The following AP3S1 variants were observed in gnomAD, a reference collection of about 807,000 sequenced individuals.
AP3S1 encodes adaptor related protein complex 3 subunit sigma 1, also known as AP-3 complex subunit sigma-1.
In AP3S1, 12 loss-of-function variants were observed where a neutral mutation model predicts 21.3. The observed-to-expected ratio is 0.56, with a 90% CI of 0.36 to 0.91. The LOEUF (loss-of-function observed/expected upper bound fraction) is 0.91. Among genes scored for constraint, AP3S1 ranks in the 40% least tolerant of loss-of-function variants. The pLI is 0.01. For synonymous variants in AP3S1, 48 were observed against 78.4 expected, an observed-to-expected ratio of 0.61 and a Z score of 2.05; for missense variants, 116 against 225.0, an observed-to-expected ratio of 0.52 and a Z score of 3.10.
At position 115,883,457 on chromosome 5, in the gene AP3S1, G is replaced by A. The variant is rs376262365; in HGVS notation, c.274-11630G>A. On this transcript the variant is annotated intron_variant, in intron 3 of 5. Transcript: ENST00000316788. ...TCACAACTTCCCTTGGCTACAGGAG[G>A]GAGTTCCTCAACCCCTTACGCTTCC... Among the ~76,000 whole-genome samples, 14 of 152,294 alleles carry A rather than the reference G, an allele frequency of 9.2e-5. No individual in the cohort carries two copies. The East Asian group carries it at 1.2e-3, about 13-fold the overall frequency.
intron 3 of AP3S1, among the ~76,000 whole-genome samples, chr5:115,886,813 TATGAC>T (rs1394419420): frequency 7.9e-5 from 12 of 152,210 alleles, no homozygotes; most frequent in African/African-American, 2.2e-4. Context: ...TCAGAATTAT[TATGAC>T]ATGATATAGA....
At chr5:115,874,783 T>C (rs1748558060) in intron 3 of AP3S1, among the ~76,000 whole-genome samples, 2 of 152,136 alleles carry the variant, frequency 1.3e-5, no homozygotes, top group African/African-American at 4.8e-5. Context: ...TTTTTAACTT[T>C]ACATGCTTGT....
chr5:115,851,814 T>TA (rs1470687022), intron 1 of AP3S1, among the ~76,000 whole-genome samples: 1 of 152,096 alleles, frequency 6.6e-6, no homozygotes, highest in East Asian at 1.9e-4. Flanking sequence ...AACTGTTTAA[T>TA]GAGATTTAAC....
chr5:115,902,390 A>G (rs1020601391), intron 4 of AP3S1, among the ~76,000 whole-genome samples: 3 of 152,162 alleles, frequency 2.0e-5, no homozygotes, highest in African/African-American at 7.2e-5. Flanking sequence ...AGTACCCACA[A>G]TTTAAAAAAT....
Position 115,913,399 on chromosome 5 carries a change from C to T in AP3S1, c.491C>T (p.Ala164Val). Residue 164 changes from alanine (A) to valine (V), a missense_variant, in exon 6 of 6, where the codon GCT (alanine) becomes GTT (valine). Around this residue, in one of 3 missense-constraint regions of AP3S1, gnomAD observed 65 missense variants for 148.2 expected, o/e 0.44. Coordinates refer to ENST00000316788, the MANE Select transcript of AP3S1 (RefSeq NM_001284.4). The part of the protein sequence containing the change: ...LAGAPARAVS[A>V]VKNMNLPEIP... Reference sequence around the variant, plus strand: ...GGAGCTCCAGCCCGTGCTGTATCAGCTGTAAAGAATATGAATCTTCCTGAG... The same window carrying T: ...GGAGCTCCAGCCCGTGCTGTATCAGTTGTAAAGAATATGAATCTTCCTGAG... The T allele has an allele frequency of 6.2e-7, 1 of 1,613,978 alleles. No homozygotes were observed. Among genetic ancestry groups the T allele is most frequent in the Non-Finnish European group, 8.5e-7 (1 of 1,179,820 alleles).
intron 5 of AP3S1, among the ~76,000 whole-genome samples, chr5:115,907,942 G>A (rs1013259493): frequency 4.6e-5 from 7 of 152,048 alleles, no homozygotes; most frequent in Non-Finnish European, 8.8e-5. Context: ...GAGTCCTATG[G>A]AGGAAAAAAT....
chr5:115,905,119 A>C (rs1307546389), intron 5 of AP3S1, among the ~76,000 whole-genome samples: 7 of 149,712 alleles, frequency 4.7e-5, no homozygotes, highest in Non-Finnish European at 8.8e-5. Flanking sequence ...ATTTTTCACA[A>C]AAAAAAGTTT....
rs191650110 is a variant in AP3S1 at position 115,879,991 on chromosome 5, C to T, written c.273+9863C>T. On this transcript the variant is annotated intron_variant, in intron 3 of 5. Coordinates refer to ENST00000316788, the MANE Select transcript of AP3S1 (RefSeq NM_001284.4). ...TCTTCTAGATTTTCTAGTTTATTTG[C>T]GTAGAGTTGTTTATAGTATTCTCTG... Among the ~76,000 whole-genome samples, 608 of 152,244 alleles carry T rather than the reference C, an allele frequency of 4.0e-3. 6 individuals are homozygous for T. Among genetic ancestry groups the T allele is most frequent in the African/African-American group, 0.014 (593 of 41,552 alleles).
At chr5:115,872,367 T>G (rs1050391277) in intron 3 of AP3S1, among the ~76,000 whole-genome samples, 2 of 152,182 alleles carry the variant, frequency 1.3e-5, no homozygotes, top group Non-Finnish European at 2.9e-5. Flanking sequence ...ATATTACTCT[T>G]AAATCTGTAA....
At chr5:115,879,287 G>A (rs1749056095) in intron 3 of AP3S1, among the ~76,000 whole-genome samples, 1 of 152,128 alleles carries the variant, frequency 6.6e-6, no homozygotes, top group South Asian at 2.1e-4. Context: ...GTTTTCAAAG[G>A]GAATGCTTCC....
At chr5:115,855,124 C>T (rs1762714562) in intron 1 of AP3S1, among the ~76,000 whole-genome samples, 1 of 151,966 alleles carries the variant, frequency 6.6e-6, no homozygotes, top group Non-Finnish European at 1.5e-5. Context: ...GCAACCTCCA[C>T]CTCCTGGGTT....
chr5:115,849,513 G>A (rs193123243), intron 1 of AP3S1, among the ~76,000 whole-genome samples: 16 of 152,262 alleles, frequency 1.1e-4, no homozygotes, highest in Admixed American at 8.5e-4. Context: ...TAAAGAGAAC[G>A]ATGGGGACAG....
chr5:115,902,905 A>G lies in AP3S1; in HGVS notation c.366A>G (p.Glu122=). The G allele has an allele frequency of 1.2e-6, 2 of 1,613,306 alleles. No homozygotes were observed. The highest frequency in any genetic ancestry group is 1.7e-6 in the Non-Finnish European group (2 of 1,179,852). Residue 122 remains glutamate, a synonymous_variant, in exon 5 of 6, where the codon GAA becomes GAG. Transcript: ENST00000316788. ...TTTAGGTTCACAATATTCTTGCAGA[A>G]ATGGTGATGGGGGGAATGGTATTGG... The part of the protein sequence containing the change: ...HVDKVHNILA[E]MVMGGMVLET...
At chr5:115,863,050 G>C (rs1484120212) in intron 1 of AP3S1, among the ~76,000 whole-genome samples, 1 of 152,122 alleles carries the variant, frequency 6.6e-6, no homozygotes, top group Non-Finnish European at 1.5e-5. Flanking sequence ...ATCACTTGAG[G>C]TCAGGAGTTC....
chr5:115,899,769 T>TGAA (rs915160702), intron 4 of AP3S1, among the ~76,000 whole-genome samples: 1 of 151,908 alleles, frequency 6.6e-6, no homozygotes, highest in Non-Finnish European at 1.5e-5. Context: ...ATAGAAAACA[T>TGAA]GAAGAAGAAG....
intron 1 of AP3S1, among the ~76,000 whole-genome samples, chr5:115,851,014 A>G (rs1013656319): frequency 1.3e-5 from 2 of 152,230 alleles, no homozygotes; most frequent in African/African-American, 4.8e-5. Context: ...GGAGTAGTTT[A>G]TAGTGTGTGG....
chr5:115,908,913 G>T, intron 5 of AP3S1: 1 of 861,576 alleles, frequency 1.2e-6, no homozygotes, highest in Non-Finnish European at 1.4e-6. Context: ...TTTTGTTAAT[G>T]ATTTTGAGTC....
intron 1 of AP3S1, among the ~76,000 whole-genome samples, chr5:115,863,444 G>A (rs1196195603): frequency 1.3e-5 from 2 of 151,804 alleles, no homozygotes; most frequent in Non-Finnish European, 2.9e-5. Context: ...ATGGTGGCGG[G>A]AACCTGTAAT....
intron 5 of AP3S1, chr5:115,908,884 C>G: frequency 6.3e-6 from 4 of 638,436 alleles, no homozygotes; most frequent in South Asian, 7.0e-5. Flanking sequence ...CAAAAACATG[C>G]TTTCAAAATC....
Sources: allele counts gnomAD v4.1 joint callset (sites outside exome capture counted in the v4.1 genomes callset), GRCh38; gene constraint gnomAD v4.1.1; regional missense constraint gnomAD v4.1.1; transcripts MANE v1.5; gene names NCBI Gene and HGNC (gene_info 2026-07-23, HGNC 2026-07-21).